Variants in TTN observed in about 807,000 individuals in gnomAD.
TTN encodes connectin.
TTN carries 1,525 observed loss-of-function variants against 3,223.0 expected under a neutral mutation model. The ratio of observed to expected loss-of-function variants is 0.47; its 90% CI spans 0.45 to 0.49. TTN has a LOEUF of 0.49. TTN is among the 20% of genes least tolerant of loss of function. The pLI, the probability that TTN is intolerant of heterozygous loss-of-function variation, is 0.00. For missense variants in TTN, 40,786 were observed against 43,424.0 expected (o/e 0.94, Z 5.40); for synonymous variants, 14,094 against 15,161.0 (o/e 0.93, Z 5.17).
At chr2:178,600,620 C>T (rs903116994) in intron 288 of TTN, 13 of 534,882 alleles carry the variant, frequency 2.4e-5, no homozygotes, top group South Asian at 5.0e-5. Context: ...AAAATTACAG[C>T]GAGGAAATTA....
chr2:178,721,982 A>G lies in TTN; in HGVS notation c.22681T>C (p.Tyr7561His). The G allele has an allele frequency of 1.5e-5, 25 of 1,613,622 alleles. No individual in the cohort carries two copies. Among genetic ancestry groups the G allele is most frequent in the Non-Finnish European group, 2.1e-5 (25 of 1,179,622 alleles). The change falls in exon 78 of 363, where the codon TAT (tyrosine) becomes CAT (histidine). Residue 7561 changes from tyrosine to histidine, a missense_variant. Physicochemically the swap from Tyr to His is moderately conservative, Grantham distance 83. Transcript: ENST00000589042. ...DNKEIRPGGNYTITCVGNTPH... is the reference protein window; with the variant it reads ...DNKEIRPGGNHTITCVGNTPH... ...GTGTTTCCCACACATGTGATTGTATAGTTTCCTCCAGGACGGATCTCCTTG... is the reference window on the plus strand; with the variant it reads ...GTGTTTCCCACACATGTGATTGTATGGTTTCCTCCAGGACGGATCTCCTTG...
Position 178,528,398 on chromosome 2 carries a change from G to C in TTN, c.107253C>G (p.Ser35751Arg). Reference sequence around the variant, plus strand: ...CAAGGGAGTATACATTTCTGGAGCGGCTTATGCTGACATTTGAAGAAATAG... The same window carrying C: ...CAAGGGAGTATACATTTCTGGAGCGCCTTATGCTGACATTTGAAGAAATAG... ...PISISSNVSI[S>R]RSRNVYSLEI... The change falls in exon 361 of 363, where the codon AGC (serine) becomes AGG (arginine). Residue 35751 changes from serine (S) to arginine (R), a missense_variant. Physicochemically the swap from Ser to Arg is moderately radical, Grantham distance 110. Coordinates refer to ENST00000589042, the MANE Select transcript of TTN (RefSeq NM_001267550.2). 6.2e-7 allele frequency: 1 copy of C among 1,613,816 alleles called. No homozygotes were observed.
In TTN at chr2:178,799,682, A is replaced by ACAT; in HGVS notation, c.718_719insATG (p.Met239_Val240insAsp). 1.2e-6 allele frequency: 2 copies of ACAT among 1,614,170 alleles called. No individual in the cohort carries two copies. The highest frequency in any genetic ancestry group is 1.7e-6 in the Non-Finnish European group (2 of 1,180,026). On this transcript the variant is annotated inframe_insertion, in exon 6 of 363. Transcript: ENST00000589042. ...CTGTTGCCCAGCGGCACCATCTATG[A>ACAT]CCATCTCAACTGTTGCAATTGATCT...
chr2:178,536,169 G>C lies in TTN; in HGVS notation c.100578C>G (p.Ile33526Met). ...VCKVTGHPKP[I>M]VKWYRQGKEI... ...CTTTGCCTTGTCTGTACCATTTGAC[G>C]ATAGGTTTTGGATGACCAGTCACTT... The change falls in exon 357 of 363, where the codon ATC (isoleucine) becomes ATG (methionine). Residue 33526 changes from isoleucine to methionine, a missense_variant. By Grantham distance (10) the Ile-to-Met change is conservative. Transcript: ENST00000589042. 2 of 1,613,510 alleles carry C rather than the reference G, an allele frequency of 1.2e-6. No individual in the cohort carries two copies. The highest frequency in any genetic ancestry group is 2.7e-5 in the African/African-American group (2 of 75,014).
Position 178,576,674 on chromosome 2 carries a change from T to C in TTN, c.69570A>G (p.Ile23190Met). ...EKKSLRWVRA[I>M]KTPVSDLRCK... ...ACCTGAGATCGGAAACTGGTGTTTT[T>C]ATTGCTCTCACCCATCGCAGGCTTT... The change falls in exon 325 of 363, where the codon ATA becomes ATG. Residue 23190 changes from isoleucine to methionine, a missense_variant. Transcript: ENST00000589042. The surrounding 1 kb of genome is among the most constrained non-coding windows in gnomAD (Gnocchi z 4.3). The C allele has an allele frequency of 6.2e-7, 1 of 1,613,574 alleles. No homozygotes were observed. The highest frequency in any genetic ancestry group is 8.5e-7 in the Non-Finnish European group (1 of 1,179,604).
rs556023922 is a variant in TTN, at chr2:178,584,036, G to A, written c.65276-130C>T. ...AGACAATTATCCCATTTTAATAACC[G>A]TCCAACTAGTATGCACTTTTGAGTC... is the stretch of plus-strand genomic sequence containing the variant. On this transcript the variant is annotated intron_variant, in intron 311 of 362. Coordinates refer to ENST00000589042, the MANE Select transcript of TTN (RefSeq NM_001267550.2). 3.6e-4 allele frequency: 409 copies of A among 1,139,966 alleles called. 1 individual carries two copies. Among genetic ancestry groups the A allele is most frequent in the South Asian group, 2.9e-3 (158 of 53,924 alleles). The allele number at this position is 1,139,966 out of a possible 1,614,324, so 70.6% of individuals were successfully genotyped here.
At position 178,606,726 on chromosome 2, in the gene TTN, T is replaced by C. The variant is rs1025555190; in HGVS notation, c.53581+295A>G. Among the ~76,000 whole-genome samples, 4 of 151,992 alleles carry C rather than the reference T, an allele frequency of 2.6e-5. No homozygotes were observed. The East Asian group carries it at 7.8e-4, about 30-fold the overall frequency. On this transcript the variant is annotated intron_variant, in intron 278 of 362. Coordinates refer to ENST00000589042, the MANE Select transcript of TTN (RefSeq NM_001267550.2). The stretch of plus-strand genomic sequence containing the variant: ...AAACCCGACTTCCAATGTGTTCTAC[T>C]GGAGAGATATAATATGTCTAAACTA...
At chr2:178,709,456 A>C in intron 99 of TTN, 110 bp downstream of exon 99, 2 of 1,126,352 alleles carry the variant, frequency 1.8e-6, no homozygotes, top group Non-Finnish European at 2.5e-6. Context: ...AATAATGTGT[A>C]TTTATATTTG....
At chr2:178,539,356 A>C in intron 352 of TTN, 26 bp downstream of exon 352, 1 of 1,602,184 alleles carries the variant, frequency 6.2e-7, no homozygotes, top group Non-Finnish European at 8.5e-7. Flanking sequence ...TAATGTTTAT[A>C]ATTTTGTGGT....
chr2:178,579,479 T>C, intron 319 of TTN, 82 bp downstream of exon 319: 1 of 1,570,502 alleles, frequency 6.4e-7, no homozygotes, highest in Non-Finnish European at 8.6e-7. Context: ...AACGGATTTT[T>C]AGATAAGCTA....
chr2:178,731,650 G>C, intron 58 of TTN, 43 bp downstream of exon 58: 1 of 1,573,728 alleles, frequency 6.4e-7, no homozygotes, highest in East Asian at 2.3e-5. Flanking sequence ...AAAAAGAATT[G>C]ACTCTTCAGA....
At chr2:178,684,275 T>C in intron 132 of TTN, 55 bp downstream of exon 132, 1 of 1,570,112 alleles carries the variant, frequency 6.4e-7, no homozygotes, top group Non-Finnish European at 8.7e-7. Flanking sequence ...CCAGTGTATT[T>C]GGTAAAGAGA....
rs112109631 is a variant in TTN, at chr2:178,755,111, T to C, written c.11254+1111A>G. Among the ~76,000 whole-genome samples the C allele has an allele frequency of 5.9e-3, 893 of 152,244 alleles. 12 individuals are homozygous for C. Among genetic ancestry groups the C allele is most frequent in the African/African-American group, 0.02 (848 of 41,542 alleles). ...ACCAGCTTCCTTCCATGAGACTCAGTGAAGCTGTTTTGACTACGGGCACAC... is the reference window on the plus strand; with the variant it reads ...ACCAGCTTCCTTCCATGAGACTCAGCGAAGCTGTTTTGACTACGGGCACAC... On this transcript the variant is annotated intron_variant, in intron 46 of 362. Coordinates refer to ENST00000589042, the MANE Select transcript of TTN (RefSeq NM_001267550.2).
chr2:178,708,963 T>C (rs1289481175), intron 99 of TTN, among the ~76,000 whole-genome samples: 1 of 152,194 alleles, frequency 6.6e-6, no homozygotes, highest in East Asian at 1.9e-4. Context: ...ACATGGTCTA[T>C]TTCATTTTCT....
Position 178,777,744 on chromosome 2 carries a change from A to C in TTN, c.4440T>G (p.Val1480=). 1 of 1,614,120 alleles carries C rather than the reference A, an allele frequency of 6.2e-7. No homozygotes were observed. The highest frequency in any genetic ancestry group is 8.5e-7 in the Non-Finnish European group (1 of 1,179,976). ...ACGTCTCTGGCATAGGTCTACCAAC[A>C]ACCTTTAAGTCAAATCTGGCAGTTT... is the stretch of plus-strand genomic sequence containing the variant. ...EGQTARFDLK[V]VGRPMPETFW... The change falls in exon 25 of 363, where the codon GTT becomes GTG. Residue 1480 remains valine, a synonymous_variant. Transcript: ENST00000589042.
intron 69 of TTN, 114 bp downstream of exon 69, chr2:178,726,976 A>T (rs988373920): frequency 6.1e-6 from 7 of 1,139,208 alleles, no homozygotes; most frequent in Non-Finnish European, 6.9e-6. Flanking sequence ...GCTCAGAAAA[A>T]TATTCTATGA....
In TTN at chr2:178,608,897, G is replaced by T; in HGVS notation, c.52114C>A (p.Pro17372Thr). ...CTVSVLDTPGPPINFVFEDIR... is the reference protein window; with the variant it reads ...CTVSVLDTPGTPINFVFEDIR... ...TCTTCAAATACAAAGTTGATTGGTG[G>T]TCCCGGTGTATCTAATATTTCAGAA... Residue 17372 changes from proline (P) to threonine (T), a missense_variant, in exon 274 of 363, where the codon CCA becomes ACA. Transcript: ENST00000589042. 2 of 1,608,758 alleles carry T rather than the reference G, an allele frequency of 1.2e-6. No homozygotes were observed. The highest frequency in any genetic ancestry group is 1.7e-6 in the Non-Finnish European group (2 of 1,178,950).
Position 178,614,909 on chromosome 2 carries a change from T to C in TTN, c.48698A>G (p.Asn16233Ser). The C allele has an allele frequency of 1.3e-6, 2 of 1,589,338 alleles. No homozygotes were observed. Among genetic ancestry groups the C allele is most frequent in the Non-Finnish European group, 1.7e-6 (2 of 1,166,468 alleles). The change falls in exon 260 of 363, where the codon AAC becomes AGC. Residue 16233 changes from asparagine to serine, a missense_variant. Coordinates refer to ENST00000589042, the MANE Select transcript of TTN (RefSeq NM_001267550.2). The part of the protein sequence containing the change: ...KWYAYRVKAL[N>S]RQGASKPSRP... ...GCTTGGTTTGCTAGCACCCTGCCTG[T>C]TTAAGGCCTTCACGCGGTAGGCATA...
chr2:178,529,071 C>G lies in TTN; in HGVS notation c.106680G>C (p.Lys35560Asn), dbSNP rs779206858. The stretch of plus-strand genomic sequence containing the variant: ...TTGAAGCTTCCTCTTTGAGGGCTAA[C>G]TTTTCTTGAGATTTTGCCTCTGACA... ...IKMSEAKSQE[K>N]LALKEEASKV... Residue 35560 changes from lysine (K) to asparagine (N), a missense_variant, in exon 360 of 363, where the codon AAG (lysine) becomes AAC (asparagine). Coordinates refer to ENST00000589042, the MANE Select transcript of TTN (RefSeq NM_001267550.2). The G allele has an allele frequency of 3.1e-6, 5 of 1,613,336 alleles. No homozygotes were observed. Among genetic ancestry groups the G allele is most frequent in the Admixed American group, 1.7e-5 (1 of 59,920 alleles).
Sources: gnomAD v4.1 joint callset for allele counts (sites outside exome capture counted in the v4.1 genomes callset) on GRCh38, gnomAD v4.1.1 for gene constraint, Gnocchi (gnomAD v3.1) non-coding constraint, MANE v1.5 for transcripts, NCBI Gene and HGNC (gene_info 2026-07-23, HGNC 2026-07-21) for gene names.